Variants in GPM6A observed in about 807,000 individuals in gnomAD.
The protein encoded by GPM6A is neuronal membrane glycoprotein M6-a.
In GPM6A, 7 loss-of-function variants were observed where a neutral mutation model predicts 32.1. The ratio of observed to expected loss-of-function variants is 0.22; its 90% confidence interval spans 0.12 to 0.41. The LOEUF (loss-of-function observed/expected upper bound fraction) is 0.41, where lower values mean the gene tolerates loss of function less well. Ranked by LOEUF, GPM6A falls within the 10% of genes least tolerant of loss-of-function variation. The pLI, the probability that GPM6A is intolerant of heterozygous loss-of-function variation, is 1.00. For synonymous variants in GPM6A, 130 were observed against 123.4 expected, an observed-to-expected ratio of 1.05 and a Z score of -0.35; for missense variants, 235 against 347.2, an observed-to-expected ratio of 0.68 and a Z score of 2.57.
intron 1 of GPM6A, among the ~76,000 whole-genome samples, chr4:175,963,041 C>T (rs146248518): frequency 1.1e-4 from 16 of 150,394 alleles, no homozygotes; most frequent in African/African-American, 3.9e-4. Flanking sequence ...CTTTGATAAG[C>T]TCATCAATAG....
In GPM6A at chr4:175,793,408, G is replaced by T. The variant is rs185020863; in HGVS notation, c.37+18783C>A. Among the ~76,000 whole-genome samples, 22 of 151,766 alleles carry T rather than the reference G, an allele frequency of 1.4e-4. No individual in the cohort carries two copies. In the East Asian group the frequency reaches 3.1e-3, roughly 21 times the overall value. On this transcript the variant is annotated intron_variant, in intron 1 of 6. Coordinates refer to ENST00000393658, the MANE Select transcript of GPM6A (RefSeq NM_201591.3). ...TTTATTTATTTAGAGATGGTGTTTC[G>T]CTCTGTCCCTCAGGCTGGAGTGCAG...
intron 1 of GPM6A, among the ~76,000 whole-genome samples, chr4:175,944,231 G>A (rs62340581): frequency 6.6e-6 from 1 of 152,100 alleles, no homozygotes; most frequent in African/African-American, 2.4e-5. Context: ...GTAATAAAGT[G>A]CCAAAAAACA....
intron 1 of GPM6A, among the ~76,000 whole-genome samples, chr4:175,843,470 G>A (rs1470138218): frequency 2.0e-5 from 3 of 152,096 alleles, no homozygotes; most frequent in African/African-American, 4.8e-5. Flanking sequence ...CTGAAATGCC[G>A]AGTGACCCTC....
intron 6 of GPM6A, among the ~76,000 whole-genome samples, chr4:175,638,856 C>T (rs1301120811): frequency 6.6e-6 from 1 of 152,196 alleles, no homozygotes; most frequent in East Asian, 1.9e-4. Flanking sequence ...CATGTTTTCT[C>T]CTAAGGACAA....
chr4:175,865,171 G>C (rs371353757), intron 1 of GPM6A, among the ~76,000 whole-genome samples: 1 of 152,136 alleles, frequency 6.6e-6, no homozygotes, highest in Non-Finnish European at 1.5e-5. Flanking sequence ...TGTGGATATC[G>C]TTTTAGCACA....
chr4:175,788,471 T>TA (rs1347432499), intron 1 of GPM6A, among the ~76,000 whole-genome samples: 2 of 152,192 alleles, frequency 1.3e-5, no homozygotes, highest in Non-Finnish European at 2.9e-5. Context: ...TGATTTTTTT[T>TA]AAATAACAGT....
intron 1 of GPM6A, among the ~76,000 whole-genome samples, chr4:175,924,256 T>C (rs1001080449): frequency 6.6e-6 from 1 of 152,096 alleles, no homozygotes; most frequent in African/African-American, 2.4e-5. Flanking sequence ...TCAAATCACC[T>C]TACAGAAACA....
chr4:175,765,633 T>G (rs1001399444), intron 1 of GPM6A, among the ~76,000 whole-genome samples: 1 of 152,206 alleles, frequency 6.6e-6, no homozygotes, highest in Admixed American at 6.5e-5. Context: ...ATTTCTTCAA[T>G]CTAGCAGTAT....
chr4:175,721,101 G>GTA (rs1193811065), intron 1 of GPM6A, among the ~76,000 whole-genome samples: 126 of 133,276 alleles, frequency 9.5e-4, no homozygotes, highest in Middle Eastern at 3.9e-3. Context: ...TATATTTCTA[G>GTA]TATATATATA....
At chr4:175,917,901 T>G (rs1738545989) in intron 1 of GPM6A, among the ~76,000 whole-genome samples, 1 of 152,156 alleles carries the variant, frequency 6.6e-6, no homozygotes, top group Non-Finnish European at 1.5e-5. Context: ...ATAATAATTT[T>G]TAAATAACTG....
intron 2 of GPM6A, among the ~76,000 whole-genome samples, chr4:175,688,521 G>T (rs1744119985): frequency 6.6e-6 from 1 of 151,932 alleles, no homozygotes; most frequent in African/African-American, 2.4e-5. Flanking sequence ...TTATTTCTGG[G>T]TTGTCTACTG....
At chr4:175,781,223 A>C (rs1733602913) in intron 1 of GPM6A, 1 of 152,140 alleles carries the variant, frequency 6.6e-6, no homozygotes, top group African/African-American at 2.4e-5. Context: ...CGAAAATAAG[A>C]TCATACAAGC....
intron 1 of GPM6A, among the ~76,000 whole-genome samples, chr4:175,859,429 A>T (rs1332397278): frequency 6.6e-6 from 1 of 152,244 alleles, no homozygotes; most frequent in Non-Finnish European, 1.5e-5. Flanking sequence ...CTTCTAAATT[A>T]GTGCCAAACT....
At chr4:175,761,338 C>T (rs547063748) in intron 1 of GPM6A, among the ~76,000 whole-genome samples, 1 of 152,246 alleles carries the variant, frequency 6.6e-6, no homozygotes, top group East Asian at 1.9e-4. Context: ...ATGATCTACC[C>T]GCCTCAGCCT....
intron 1 of GPM6A, among the ~76,000 whole-genome samples, chr4:175,932,291 C>G (rs1739075768): frequency 6.6e-6 from 1 of 152,028 alleles, no homozygotes; most frequent in African/African-American, 2.4e-5. Context: ...GATTAAGGCT[C>G]TTATAAACAA....
chr4:175,884,114 C>T (rs1036277454), intron 1 of GPM6A, among the ~76,000 whole-genome samples: 10 of 151,990 alleles, frequency 6.6e-5, no homozygotes, highest in African/African-American at 1.9e-4. Flanking sequence ...ATAAAACATA[C>T]GTCACAGGGC....
chr4:175,955,330 A>C (rs1332175275), intron 1 of GPM6A, among the ~76,000 whole-genome samples: 1 of 152,224 alleles, frequency 6.6e-6, no homozygotes, highest in Non-Finnish European at 1.5e-5. Flanking sequence ...CAAATATTCA[A>C]TAGCAAATAT....
At chr4:175,925,850 C>CTTTTTT (rs60669466) in intron 1 of GPM6A, among the ~76,000 whole-genome samples, 221 of 135,064 alleles carry the variant, frequency 1.6e-3, no homozygotes, top group South Asian at 2.4e-3. Context: ...CTTTTCTTTT[C>CTTTTTT]TTTTTTTTTT....
intron 2 of GPM6A, among the ~76,000 whole-genome samples, chr4:175,694,618 A>T (rs1016977886): frequency 6.6e-6 from 1 of 152,200 alleles, no homozygotes; most frequent in Non-Finnish European, 1.5e-5. Flanking sequence ...TCATATTCAC[A>T]ACCAAAGAAA....
Sources: allele counts gnomAD v4.1 joint callset (sites outside exome capture counted in the v4.1 genomes callset), GRCh38; gene constraint gnomAD v4.1.1; transcripts MANE v1.5; gene names NCBI Gene and HGNC (gene_info 2026-07-23, HGNC 2026-07-21).